The following TMEM138 variants were observed in gnomAD, a reference collection of about 807,000 sequenced individuals.
The protein encoded by TMEM138 is transmembrane protein 138.
TMEM138 carries 9 observed loss-of-function variants against 18.1 expected under a neutral mutation model. The ratio of observed to expected loss-of-function variants is 0.50; its 90% confidence interval spans 0.30 to 0.87. The LOEUF (loss-of-function observed/expected upper bound fraction) is 0.87, where lower values mean the gene tolerates loss of function less well. Among genes scored for constraint, TMEM138 ranks in the 40% least tolerant of loss-of-function variants. The pLI is 0.06. For missense variants in TMEM138, 189 were observed against 190.6 expected (o/e 0.99, Z 0.05); for synonymous variants, 79 against 74.8 (o/e 1.06, Z -0.29).
intron 4 of TMEM138, 190 bp downstream of exon 4, chr11:61,368,188 C>T (rs1173402966): frequency 5.6e-6 from 4 of 708,634 alleles, no homozygotes; most frequent in Non-Finnish European, 1.0e-5. Flanking sequence ...GCAGGGCTGC[C>T]CAGCCTCATT....
chr11:61,368,576 T>TCAA, intron 4 of TMEM138, 21 bp from the exon 5 acceptor site: 1 of 1,574,322 alleles, frequency 6.4e-7, no homozygotes, highest in South Asian at 1.1e-5. Flanking sequence ...CTGAGGCTTC[T>TCAA]CTTCTGCTTC....
At position 61,368,387 on chromosome 11, in the gene TMEM138, A is replaced by G. The variant is rs1028605340; in HGVS notation, c.377-210A>G. 1.5e-5 allele frequency: 8 copies of G among 523,960 alleles called. No homozygotes were observed. The Admixed American group carries it at 1.9e-4, about 12-fold the overall frequency. 32.5% of individuals were successfully genotyped at this position (523,960 alleles called of 1,614,324 possible). A position where few individuals can be genotyped will look rare whatever the true frequency, so the allele number is the denominator to read the frequency against. On this transcript the variant is annotated intron_variant, in intron 4 of 4. Transcript: ENST00000278826. ...ACTACAGGCGCCCGCCACCACGCCC[A>G]GCTAATTTTTTGTGTATTTTTAGTA... is the stretch of plus-strand genomic sequence containing the variant.
At chr11:61,376,448 T>A (rs1243728314), downstream of TMEM138, among the ~76,000 whole-genome samples, 1 of 152,254 alleles carries the variant, frequency 6.6e-6, no homozygotes, top group East Asian at 1.9e-4. Flanking sequence ...TTTTCAATTT[T>A]ATTATTTTCT....
At chr11:61,376,859 G>A (rs140271929), downstream of TMEM138, among the ~76,000 whole-genome samples, 700 of 152,224 alleles carry the variant, frequency 4.6e-3, 3 homozygotes, top group Non-Finnish European at 6.8e-3. Flanking sequence ...AGCCATGAGA[G>A]ATAAGATAAA....
chr11:61,364,970 C>T (rs1414404199), intron 2 of TMEM138, among the ~76,000 whole-genome samples: 44 of 151,348 alleles, frequency 2.9e-4, no homozygotes, highest in Non-Finnish European at 5.9e-5. Context: ...GGCAGATCAC[C>T]TGAGGTCGGG....
chr11:61,367,718 C>A (rs1433662812), intron 3 of TMEM138: 12 of 569,822 alleles, frequency 2.1e-5, no homozygotes, highest in South Asian at 6.3e-5. Flanking sequence ...TTAGTTCATA[C>A]TTCCTCCCTC....
chr11:61,367,728 CAAAGTT>C (rs1411012783), intron 3 of TMEM138, 189 bp from the exon 4 acceptor site: 1 of 592,362 alleles, frequency 1.7e-6, no homozygotes, highest in African/African-American at 1.8e-5. Flanking sequence ...CTTCCTCCCT[CAAAGTT>C]AAAAGATATT....
At chr11:61,366,471 CTTTT>C in intron 3 of TMEM138, 99 of 261,200 alleles carry the variant, frequency 3.8e-4, no homozygotes, top group East Asian at 5.9e-4. Flanking sequence ...CTTTTCTTTT[CTTTT>C]TTTTTTTTTT....
downstream of TMEM138, among the ~76,000 whole-genome samples, chr11:61,372,457 G>A (rs900737065): frequency 6.8e-6 from 1 of 147,040 alleles, no homozygotes; most frequent in African/African-American, 2.5e-5. Flanking sequence ...GTGCACCACC[G>A]TGCCCAGCCG....
chr11:61,372,628 A>T (rs1858373837), downstream of TMEM138, among the ~76,000 whole-genome samples: 1 of 152,054 alleles, frequency 6.6e-6, no homozygotes, highest in African/African-American at 2.4e-5. Flanking sequence ...TAAAAAAAAT[A>T]CAAAAAAATT....
downstream of TMEM138, among the ~76,000 whole-genome samples, chr11:61,375,833 C>G (rs1247851003): frequency 1.3e-5 from 2 of 152,150 alleles, no homozygotes; most frequent in Admixed American, 1.3e-4. Flanking sequence ...GTCCACACAG[C>G]CGCTGTCCAA....
intron 2 of TMEM138, among the ~76,000 whole-genome samples, chr11:61,365,066 T>G (rs1265953873): frequency 6.6e-6 from 1 of 150,642 alleles, no homozygotes; most frequent in Non-Finnish European, 1.5e-5. Context: ...TGCATGCCTG[T>G]AATCCCAGCT....
downstream of TMEM138, among the ~76,000 whole-genome samples, chr11:61,376,275 G>C (rs1366925450): frequency 6.6e-6 from 1 of 152,112 alleles, no homozygotes; most frequent in Admixed American, 6.6e-5. Flanking sequence ...CTTGAACCCA[G>C]GAGGTGGAGG....
intron 3 of TMEM138, chr11:61,367,575 C>CA (rs1858197786): frequency 4.3e-6 from 1 of 230,018 alleles, no homozygotes; most frequent in African/African-American, 2.3e-5. Flanking sequence ...ACCCTGAGTA[C>CA]ACCAAAGTCT....
intron 1 of TMEM138, chr11:61,363,520 T>C (rs930105728): frequency 1.3e-5 from 2 of 152,228 alleles, no homozygotes; most frequent in Non-Finnish European, 2.9e-5. Flanking sequence ...CAGCGGGTCA[T>C]AGGACACCCC....
intron 4 of TMEM138, 151 bp downstream of exon 4, chr11:61,368,149 C>A (rs769607493): frequency 2.7e-6 from 2 of 748,768 alleles, no homozygotes; most frequent in Non-Finnish European, 4.9e-6. Context: ...TGCCCCTGCC[C>A]TTGCTAGAAG....
At position 61,368,771 on chromosome 11, in the gene TMEM138, G is replaced by C; in HGVS notation, c.*62G>C. 1.5e-6 allele frequency: 2 copies of C among 1,348,894 alleles called. No homozygotes were observed. Among genetic ancestry groups the C allele is most frequent in the Non-Finnish European group, 2.1e-6 (2 of 946,178 alleles). 83.6% of individuals were successfully genotyped at this position (1,348,894 alleles called of 1,614,324 possible). On this transcript the variant is annotated 3_prime_UTR_variant, in exon 5 of 5. Coordinates refer to ENST00000278826, the MANE Select transcript of TMEM138 (RefSeq NM_016464.5). ...TAGAAGCCACATTTGCTGCTTTGCA[G>C]GGAGAGTTGGCCCTATGCATGGGCA...
In TMEM138 at chr11:61,364,322, A is replaced by C; in HGVS notation, c.-69A>C. On this transcript the variant is annotated 5_prime_UTR_variant, in exon 2 of 5. Transcript: ENST00000278826. ...AGAAGCCTCTCCCTCAGTGGTAGGG[A>C]GACAGCCAGGAGCGGTTTTCTGGGA... 1 of 1,583,958 alleles carries C rather than the reference A, an allele frequency of 6.3e-7. No homozygotes were observed. Among genetic ancestry groups the C allele is most frequent in the Non-Finnish European group, 8.6e-7 (1 of 1,162,086 alleles).
At position 61,368,644 on chromosome 11, in the gene TMEM138, G is replaced by A; in HGVS notation, c.424G>A (p.Gly142Ser). Residue 142 changes from glycine (G) to serine (S), a missense_variant, in exon 5 of 5, where the codon GGC becomes AGC. Physicochemically the swap from Gly to Ser is moderately conservative, Grantham distance 56. Coordinates refer to ENST00000278826, the MANE Select transcript of TMEM138 (RefSeq NM_016464.5). Reference sequence around the variant, plus strand: ...CTATAAACGGACAGCCGTAAGACTAGGCGATCCTCACTTCTACCAGGACTC... The same window carrying A: ...CTATAAACGGACAGCCGTAAGACTAAGCGATCCTCACTTCTACCAGGACTC... The part of the protein sequence containing the change: ...YFYKRTAVRL[G>S]DPHFYQDSLW... The A allele has an allele frequency of 6.2e-7, 1 of 1,614,138 alleles. No individual in the cohort carries two copies. Among genetic ancestry groups the A allele is most frequent in the South Asian group, 1.1e-5 (1 of 91,082 alleles).
Sources: gnomAD v4.1 joint callset for allele counts (sites outside exome capture counted in the v4.1 genomes callset) on GRCh38, gnomAD v4.1.1 for gene constraint, MANE v1.5 for transcripts, NCBI Gene and HGNC (gene_info 2026-07-23, HGNC 2026-07-21) for gene names.